MDN1: variants seen among roughly 807,000 people sequenced by gnomAD.
MDN1 encodes the protein midasin.
MDN1 carries 266 observed loss-of-function variants against 669.2 expected under a neutral mutation model. That is an observed-to-expected ratio of 0.40 (90% CI 0.36 to 0.44). The LOEUF (loss-of-function observed/expected upper bound fraction) is 0.44, where lower values mean the gene tolerates loss of function less well. Ranked by LOEUF, MDN1 falls within the 20% of genes least tolerant of loss-of-function variation. The probability of loss-of-function intolerance (pLI) is 1.00; values close to 1 mark genes in which losing one functional copy is unlikely to be tolerated. For synonymous variants in MDN1, 2,385 were observed against 2,457.1 expected (o/e 0.97, Z 0.87); for missense variants, 5,940 against 6,754.0 (o/e 0.88, Z 4.22).
chr6:89,653,990 A>C (rs996410764), intron 93 of MDN1, among the ~76,000 whole-genome samples, 174 bp downstream of exon 93: 2 of 152,222 alleles, frequency 1.3e-5, no homozygotes, highest in Non-Finnish European at 2.9e-5. Context: ...ACCGCTGTCC[A>C]TATTTTTGTT....
intron 1 of MDN1, among the ~76,000 whole-genome samples, chr6:89,808,631 C>A (rs1200496347): frequency 1.3e-5 from 2 of 152,138 alleles, no homozygotes; most frequent in African/African-American, 2.4e-5. Context: ...TTCCAACACC[C>A]TTCCCAGCAT....
chr6:89,692,503 G>T lies in MDN1; in HGVS notation c.10527C>A (p.His3509Gln). ...LMNALLYLRS[H>Q]VLCKGELDQR... The stretch of plus-strand genomic sequence containing the variant: ...GGTCCAACTCTCCCTTGCATAACAC[G>T]TGGGAGCGCAGGTAAAGGAGAGCAT... The change falls in exon 63 of 102, where the codon CAC (histidine) becomes CAA (glutamine). Residue 3509 changes from histidine to glutamine, a missense_variant. By Grantham distance (24) the His-to-Gln change is conservative. Around this residue, in one of 5 missense-constraint regions of MDN1, gnomAD observed 2,280 missense variants for 2,576.3 expected, o/e 0.88. Transcript: ENST00000369393. 1.2e-6 allele frequency: 2 copies of T among 1,614,222 alleles called. No homozygotes were observed. Among genetic ancestry groups the T allele is most frequent in the Non-Finnish European group, 1.7e-6 (2 of 1,180,038 alleles).
Position 89,790,172 on chromosome 6 carries a change from T to C in MDN1, c.1085A>G (p.Gln362Arg). The C allele has an allele frequency of 1.2e-6, 2 of 1,614,066 alleles. No individual in the cohort carries two copies. The highest frequency in any genetic ancestry group is 1.7e-6 in the Non-Finnish European group (2 of 1,180,006). The change falls in exon 6 of 102, where the codon CAG (glutamine) becomes CGG (arginine). Residue 362 changes from glutamine to arginine, a missense_variant. Coordinates refer to ENST00000369393, the MANE Select transcript of MDN1 (RefSeq NM_014611.3). ...TTTCCTTATTACCTTACTGTCAGTC[T>C]GATCTCCAAGCTGGACTTTGAGAAG... The part of the protein sequence containing the change: ...PQLLKVQLGD[Q>R]TDSKMLLGMY...
chr6:89,683,064 T>G, intron 73 of MDN1, 68 bp downstream of exon 73: 1 of 1,503,666 alleles, frequency 6.7e-7, no homozygotes, highest in South Asian at 1.1e-5. Flanking sequence ...AGGCATGCCT[T>G]GCACATAAAA....
chr6:89,784,904 T>C lies in MDN1; in HGVS notation c.1449+108A>G, dbSNP rs963405061. 2.4e-5 allele frequency: 17 copies of C among 715,380 alleles called. No homozygotes were observed. In the African/African-American group the frequency reaches 2.8e-4, roughly 12 times the overall value. The allele number at this position is 715,380 out of a possible 1,614,324, so 44.3% of individuals were successfully genotyped here. A position where few individuals can be genotyped will look rare whatever the true frequency, so the allele number is the denominator to read the frequency against. On this transcript the variant is annotated intron_variant, in intron 9 of 101. Transcript: ENST00000369393. ...TACAGTAAAATACTAGCACACAGAC[T>C]GCAAAATTTAGGTTGATGAGGGTTC... is the stretch of plus-strand genomic sequence containing the variant.
chr6:89,777,699 T>C (rs1160049780), intron 11 of MDN1, among the ~76,000 whole-genome samples: 3 of 152,148 alleles, frequency 2.0e-5, no homozygotes, highest in African/African-American at 7.2e-5. Context: ...AATTGGCCTT[T>C]TGAGGTGATT....
intron 31 of MDN1, among the ~76,000 whole-genome samples, chr6:89,740,689 C>T (rs1016710657): frequency 5.3e-5 from 8 of 152,130 alleles, no homozygotes; most frequent in African/African-American, 1.9e-4. Context: ...CTAGAAAGAA[C>T]TCAAATATCA....
chr6:89,776,934 CA>C (rs1258571601), intron 11 of MDN1, among the ~76,000 whole-genome samples: 12 of 151,994 alleles, frequency 7.9e-5, no homozygotes, highest in African/African-American at 2.9e-4. Flanking sequence ...ATAAAAAAAA[CA>C]AACAACAAAA....
chr6:89,699,865 T>A, intron 57 of MDN1, 138 bp from the exon 58 acceptor site: 1 of 1,164,586 alleles, frequency 8.6e-7, no homozygotes, highest in Admixed American at 2.5e-5. Context: ...GATAAAATTC[T>A]CGGTGACTTT....
At chr6:89,663,034 G>A (rs1464688059) in intron 85 of MDN1, 67 bp from the exon 86 acceptor site, 2 of 1,566,760 alleles carry the variant, frequency 1.3e-6, no homozygotes, top group South Asian at 1.1e-5. Flanking sequence ...TTTAAGAGAG[G>A]TGTGGACCCG....
At chr6:89,690,261 A>G in intron 64 of MDN1, 118 bp from the exon 65 acceptor site, 1 of 1,048,598 alleles carries the variant, frequency 9.5e-7, no homozygotes, top group Middle Eastern at 2.6e-4. Flanking sequence ...GGACTAATAT[A>G]TGTATTAAAA....
chr6:89,796,256 G>A (rs1819585449), intron 2 of MDN1, among the ~76,000 whole-genome samples: 2 of 144,038 alleles, frequency 1.4e-5, no homozygotes, highest in African/African-American at 5.2e-5. Flanking sequence ...CCCGAGACAC[G>A]GAGGTTATAG....
chr6:89,786,307 C>T (rs891427963), intron 8 of MDN1, among the ~76,000 whole-genome samples: 1 of 151,876 alleles, frequency 6.6e-6, no homozygotes, highest in African/African-American at 2.4e-5. Context: ...TCAAAACTAA[C>T]AGTGCCAGGT....
At chr6:89,722,630 T>C (rs78451085) in intron 40 of MDN1, among the ~76,000 whole-genome samples, 4,665 of 152,216 alleles carry the variant, frequency 0.031, 121 homozygotes, top group South Asian at 0.13. Flanking sequence ...AGGTGGATCA[T>C]CTGAATTCAG....
intron 45 of MDN1, 112 bp from the exon 46 acceptor site, chr6:89,714,863 A>G: frequency 2.4e-6 from 2 of 819,764 alleles, no homozygotes; most frequent in Non-Finnish European, 3.8e-6. Flanking sequence ...TTGTCACAGA[A>G]TTCACACCAA....
intron 46 of MDN1, among the ~76,000 whole-genome samples, chr6:89,713,613 T>C (rs188659487): frequency 6.6e-6 from 1 of 152,342 alleles, no homozygotes; most frequent in East Asian, 1.9e-4. Context: ...AAGTTGAGTG[T>C]AACCTCATAA....
intron 85 of MDN1, among the ~76,000 whole-genome samples, chr6:89,663,929 G>A (rs1349263626): frequency 3.0e-5 from 4 of 132,942 alleles, no homozygotes; most frequent in Non-Finnish European, 4.7e-5. Context: ...GGGACAGAGC[G>A]AGACTCCGTC....
Position 89,781,135 on chromosome 6 carries a change from T to A in MDN1, c.1643+264A>T, listed in dbSNP as rs921839003. 10 of 455,856 alleles carry A rather than the reference T, an allele frequency of 2.2e-5. No homozygotes were observed. The Admixed American group carries it at 3.5e-4, about 16-fold the overall frequency. The allele number at this position is 455,856 out of a possible 1,614,324, so 28.2% of individuals were successfully genotyped here. ...CTCCCAAGTTGGTCTTTAAAAGTTATTTTTTAAAGTTAAAAACATTACCCT... is the reference window on the plus strand; with the variant it reads ...CTCCCAAGTTGGTCTTTAAAAGTTAATTTTTAAAGTTAAAAACATTACCCT... On this transcript the variant is annotated intron_variant, in intron 10 of 101. Transcript: ENST00000369393.
chr6:89,773,937 C>T (rs996885577), intron 13 of MDN1, among the ~76,000 whole-genome samples: 38 of 151,468 alleles, frequency 2.5e-4, no homozygotes, highest in Admixed American at 5.3e-4. Flanking sequence ...TGTACTCCAG[C>T]CTAGGCAACG....
Sources: gnomAD v4.1 joint callset for allele counts (sites outside exome capture counted in the v4.1 genomes callset) on GRCh38, gnomAD v4.1.1 for gene constraint, gnomAD v4.1.1 regional missense constraint, MANE v1.5 for transcripts, NCBI Gene and HGNC (gene_info 2026-07-23, HGNC 2026-07-21) for gene names.